The following SEMA5A variants were observed in gnomAD, a reference collection of about 807,000 sequenced individuals.
The protein encoded by SEMA5A is semaphorin 5A.
In SEMA5A, 55 loss-of-function variants were observed where a neutral mutation model predicts 135.5. The observed-to-expected ratio is 0.41, with a 90% CI of 0.33 to 0.51. The LOEUF (loss-of-function observed/expected upper bound fraction) is 0.51, where lower values mean the gene tolerates loss of function less well. Ranked by LOEUF, SEMA5A falls within the 20% of genes least tolerant of loss-of-function variation. SEMA5A has a pLI of 0.37. For synonymous variants in SEMA5A, 580 were observed against 546.5 expected, an observed-to-expected ratio of 1.06 and a Z score of -0.85; for missense variants, 1,290 against 1,419.9, an observed-to-expected ratio of 0.91 and a Z score of 1.47.
chr5:9,253,559 C>A (rs370751092), intron 5 of SEMA5A, among the ~76,000 whole-genome samples: 1 of 152,112 alleles, frequency 6.6e-6, no homozygotes, highest in East Asian at 1.9e-4. Flanking sequence ...TCTTCATAAC[C>A]ATTTTGATTG....
At chr5:9,285,938 G>A (rs1046980019) in intron 5 of SEMA5A, among the ~76,000 whole-genome samples, 17 of 152,162 alleles carry the variant, frequency 1.1e-4, no homozygotes, top group Admixed American at 8.5e-4. Flanking sequence ...AATGGTTGAG[G>A]TGATGCATAC....
intron 5 of SEMA5A, among the ~76,000 whole-genome samples, chr5:9,266,370 G>C (rs1264797895): frequency 6.6e-6 from 1 of 152,090 alleles, no homozygotes; most frequent in Non-Finnish European, 1.5e-5. Flanking sequence ...AGAATGAATG[G>C]AAATAAATGA....
intron 5 of SEMA5A, among the ~76,000 whole-genome samples, chr5:9,249,387 C>T (rs893209496): frequency 4.6e-5 from 7 of 152,148 alleles, no homozygotes; most frequent in African/African-American, 9.7e-5. Flanking sequence ...TTTCTGGTCA[C>T]GTTGCCATTA....
chr5:9,357,995 T>C (rs1337384551), intron 3 of SEMA5A, among the ~76,000 whole-genome samples: 1 of 152,156 alleles, frequency 6.6e-6, no homozygotes, highest in African/African-American at 2.4e-5. Flanking sequence ...ATTGTTGAAT[T>C]TTGTCACACT....
intron 12 of SEMA5A, among the ~76,000 whole-genome samples, chr5:9,137,273 T>C (rs1384137446): frequency 5.3e-5 from 8 of 152,244 alleles, no homozygotes; most frequent in Non-Finnish European, 1.5e-5. Context: ...AGCTTAAACG[T>C]ATTAAAATTT....
At chr5:9,485,270 AT>A (rs1734635624) in intron 1 of SEMA5A, among the ~76,000 whole-genome samples, 1 of 151,398 alleles carries the variant, frequency 6.6e-6, no homozygotes, top group Admixed American at 6.6e-5. Context: ...AAAAAAAAAA[AT>A]AGATGTGTTT....
intron 16 of SEMA5A, among the ~76,000 whole-genome samples, chr5:9,070,760 T>C (rs1737729724): frequency 6.6e-6 from 1 of 152,254 alleles, no homozygotes; most frequent in African/African-American, 2.4e-5. Flanking sequence ...AAATTTAACA[T>C]GAGACTCAGA....
At chr5:9,330,154 G>A (rs867434267) in intron 4 of SEMA5A, among the ~76,000 whole-genome samples, 33 of 151,942 alleles carry the variant, frequency 2.2e-4, no homozygotes, top group African/African-American at 7.7e-4. Context: ...CAGATGGGAG[G>A]CCGAGGTGGG....
At chr5:9,061,386 G>A (rs1004422279) in intron 18 of SEMA5A, among the ~76,000 whole-genome samples, 1 of 151,734 alleles carries the variant, frequency 6.6e-6, no homozygotes, top group Non-Finnish European at 1.5e-5. Flanking sequence ...GGCCCCTGCT[G>A]GGAGCTAAGG....
chr5:9,295,963 T>C (rs899535655), intron 5 of SEMA5A, among the ~76,000 whole-genome samples: 1 of 152,156 alleles, frequency 6.6e-6, no homozygotes, highest in African/African-American at 2.4e-5. Flanking sequence ...CTAGGTAGAA[T>C]AATCAAAAAA....
chr5:9,413,439 T>C (rs1757173799), intron 2 of SEMA5A, among the ~76,000 whole-genome samples: 1 of 152,198 alleles, frequency 6.6e-6, no homozygotes, highest in Non-Finnish European at 1.5e-5. Flanking sequence ...GTACAGAGTA[T>C]TGAGCAAGAT....
At chr5:9,120,784 A>G (rs1016970304) in intron 14 of SEMA5A, among the ~76,000 whole-genome samples, 36 of 146,276 alleles carry the variant, frequency 2.5e-4, no homozygotes, top group African/African-American at 8.6e-4. Context: ...ATGTGGATTG[A>G]TTTTTTTTTT....
chr5:9,509,268 T>C (rs1736075246), intron 1 of SEMA5A, among the ~76,000 whole-genome samples: 1 of 150,908 alleles, frequency 6.6e-6, no homozygotes, highest in African/African-American at 2.4e-5. Context: ...AAATTATTAT[T>C]ATTATTATTA....
At chr5:9,246,493 C>T (rs185865798) in intron 5 of SEMA5A, among the ~76,000 whole-genome samples, 99 of 152,230 alleles carry the variant, frequency 6.5e-4, no homozygotes, top group African/African-American at 2.2e-3. Flanking sequence ...CCAAGTACCA[C>T]AATATCTGTA....
At chr5:9,358,623 G>C (rs538641951) in intron 3 of SEMA5A, among the ~76,000 whole-genome samples, 2 of 152,256 alleles carry the variant, frequency 1.3e-5, no homozygotes, top group African/African-American at 4.8e-5. Context: ...CCTGATGCAG[G>C]CACTTGATAA....
chr5:9,132,093 G>A (rs1303444352), intron 13 of SEMA5A, among the ~76,000 whole-genome samples: 2 of 152,086 alleles, frequency 1.3e-5, no homozygotes, highest in Non-Finnish European at 2.9e-5. Flanking sequence ...AATTTTATAA[G>A]CAAACAGAAC....
chr5:9,385,416 A>T (rs1231456913), intron 2 of SEMA5A, among the ~76,000 whole-genome samples: 1 of 152,230 alleles, frequency 6.6e-6, no homozygotes, highest in Non-Finnish European at 1.5e-5. Flanking sequence ...CAGATCCAAC[A>T]TAAGCTTAAT....
intron 8 of SEMA5A, among the ~76,000 whole-genome samples, chr5:9,211,985 C>T (rs1746368912): frequency 6.6e-6 from 1 of 152,182 alleles, no homozygotes; most frequent in African/African-American, 2.4e-5. Flanking sequence ...TGGGAGAACT[C>T]AGTGGGATAA....
chr5:9,177,076 T>C (rs1392112784), intron 11 of SEMA5A, among the ~76,000 whole-genome samples: 1 of 152,206 alleles, frequency 6.6e-6, no homozygotes, highest in Non-Finnish European at 1.5e-5. Context: ...CCACTGTAAC[T>C]GGACTGCTCC....
Sources: gnomAD v4.1 joint callset for allele counts (sites outside exome capture counted in the v4.1 genomes callset) on GRCh38, gnomAD v4.1.1 for gene constraint, MANE v1.5 for transcripts, NCBI Gene and HGNC (gene_info 2026-07-23, HGNC 2026-07-21) for gene names.